The following PI4KA variants were observed in gnomAD, a reference collection of about 807,000 sequenced individuals.
PI4KA encodes phosphatidylinositol 4-kinase alpha.
PI4KA carries 122 observed loss-of-function variants against 271.4 expected under a neutral mutation model. The observed-to-expected ratio is 0.45, with a 90% CI of 0.39 to 0.52. The LOEUF (loss-of-function observed/expected upper bound fraction) is 0.52, where lower values mean the gene tolerates loss of function less well. Among genes scored for constraint, PI4KA ranks in the 20% least tolerant of loss-of-function variants. PI4KA has a pLI of 0.00. For synonymous variants in PI4KA, 1,041 were observed against 1,078.8 expected, an observed-to-expected ratio of 0.96 and a Z score of 0.69; for missense variants, 1,969 against 2,769.1, an observed-to-expected ratio of 0.71 and a Z score of 6.48.
chr22:20,842,091 C>T (rs1276501068), intron 1 of PI4KA, among the ~76,000 whole-genome samples: 5 of 152,056 alleles, frequency 3.3e-5, no homozygotes, highest in Admixed American at 6.6e-5. Flanking sequence ...TGGCAGGCCC[C>T]GTGGCAGGTG....
chr22:20,739,469 G>GAA (rs5844434), intron 32 of PI4KA, among the ~76,000 whole-genome samples: 13 of 130,554 alleles, frequency 1.0e-4, no homozygotes, highest in East Asian at 6.6e-4. Flanking sequence ...CTGTCTTCAG[G>GAA]AAAAAAAAAA....
At chr22:20,805,262 C>A (rs1316475763) in intron 10 of PI4KA, 97 bp from the exon 11 acceptor site, 14 of 861,994 alleles carry the variant, frequency 1.6e-5, no homozygotes, top group Non-Finnish European at 2.5e-5. Flanking sequence ...TTAACAAAAA[C>A]CCCAGAAAAG....
chr22:20,798,069 C>T (rs573620186), intron 17 of PI4KA, among the ~76,000 whole-genome samples: 3 of 152,300 alleles, frequency 2.0e-5, no homozygotes, highest in East Asian at 3.9e-4. Flanking sequence ...ACGTTTAACG[C>T]CTACTTCCTT....
chr22:20,854,831 G>T (rs1363844953), intron 1 of PI4KA, among the ~76,000 whole-genome samples: 1 of 152,092 alleles, frequency 6.6e-6, no homozygotes, highest in Non-Finnish European at 1.5e-5. Context: ...TCTCAGGTGC[G>T]TACTCTAAAA....
intron 23 of PI4KA, among the ~76,000 whole-genome samples, chr22:20,755,549 C>T (rs1278492677): frequency 6.6e-6 from 1 of 152,142 alleles, no homozygotes; most frequent in Non-Finnish European, 1.5e-5. Context: ...GCCTGTAATC[C>T]CAGCATTTTG....
chr22:20,806,999 T>C (rs1398530910), intron 10 of PI4KA, among the ~76,000 whole-genome samples: 2 of 152,096 alleles, frequency 1.3e-5, no homozygotes, highest in South Asian at 2.1e-4. Context: ...CCTCCCAAAG[T>C]GCTGGGATTA....
chr22:20,738,304 G>A (rs1928978516), intron 32 of PI4KA, among the ~76,000 whole-genome samples: 2 of 152,220 alleles, frequency 1.3e-5, no homozygotes, highest in Admixed American at 6.5e-5. Flanking sequence ...ATGGACAGGA[G>A]AGTAATATAC....
At chr22:20,777,726 G>T (rs1324086575) in intron 19 of PI4KA, among the ~76,000 whole-genome samples, 2 of 152,154 alleles carry the variant, frequency 1.3e-5, no homozygotes, top group East Asian at 3.9e-4. Flanking sequence ...AACACCTATG[G>T]TCACTGTCCT....
intron 4 of PI4KA, among the ~76,000 whole-genome samples, chr22:20,821,146 C>G (rs915542463): frequency 6.6e-6 from 1 of 152,180 alleles, no homozygotes; most frequent in African/African-American, 2.4e-5. Flanking sequence ...ATGTATGTGA[C>G]ATTAGCTTTT....
At chr22:20,857,161 T>C (rs184795633) in intron 1 of PI4KA, among the ~76,000 whole-genome samples, 80 of 152,322 alleles carry the variant, frequency 5.3e-4, no homozygotes, top group Admixed American at 1.2e-3. Flanking sequence ...TACCTTGTAT[T>C]TGACAGAAGA....
chr22:20,773,546 C>A (rs981061759), intron 19 of PI4KA, among the ~76,000 whole-genome samples: 15 of 152,180 alleles, frequency 9.9e-5, no homozygotes, highest in Non-Finnish European at 1.9e-4. Context: ...CACCTACTGG[C>A]AACAAACACA....
chr22:20,725,061 G>C (rs532559176), intron 42 of PI4KA, among the ~76,000 whole-genome samples: 2 of 152,340 alleles, frequency 1.3e-5, no homozygotes, highest in African/African-American at 4.8e-5. Context: ...AGCAGAGGCT[G>C]GCTGCTGTTC....
At position 20,707,968 on chromosome 22, in the gene PI4KA, G is replaced by T; in HGVS notation, c.*79C>A. The T allele has an allele frequency of 1.6e-6, 2 of 1,233,858 alleles. No individual in the cohort carries two copies. Among genetic ancestry groups the T allele is most frequent in the Non-Finnish European group, 2.4e-6 (2 of 833,882 alleles). The allele number at this position is 1,233,858 out of a possible 1,614,324, so 76.4% of individuals were successfully genotyped here. On this transcript the variant is annotated 3_prime_UTR_variant, in exon 55 of 55. Coordinates refer to ENST00000255882, the MANE Select transcript of PI4KA (RefSeq NM_058004.4). ...TCTCCTCCACTGCATGTGGCGGCAG[G>T]GCAGGGAGGTCGCAGGGCTCCATGA... is the stretch of plus-strand genomic sequence containing the variant.
intron 1 of PI4KA, among the ~76,000 whole-genome samples, chr22:20,857,415 G>A (rs905148783): frequency 6.6e-6 from 1 of 152,182 alleles, no homozygotes; most frequent in Non-Finnish European, 1.5e-5. Flanking sequence ...TGCCAAAAGT[G>A]CCTAAAACAG....
chr22:20,738,432 G>T (rs1188793111), intron 32 of PI4KA, among the ~76,000 whole-genome samples: 5 of 152,192 alleles, frequency 3.3e-5, no homozygotes, highest in African/African-American at 1.2e-4. Flanking sequence ...CAAGGATCAT[G>T]AATCTTTCCC....
intron 1 of PI4KA, among the ~76,000 whole-genome samples, chr22:20,857,525 T>C (rs1927750789): frequency 6.6e-6 from 1 of 152,182 alleles, no homozygotes; most frequent in Non-Finnish European, 1.5e-5. Context: ...GAAAACATCC[T>C]CTCTCCATGT....
At chr22:20,830,773 T>C (rs1207334325) in intron 3 of PI4KA, among the ~76,000 whole-genome samples, 1 of 152,112 alleles carries the variant, frequency 6.6e-6, no homozygotes, top group Non-Finnish European at 1.5e-5. Flanking sequence ...TTATTGTTGT[T>C]GTTTGTTCTT....
intron 16 of PI4KA, 190 bp downstream of exon 16, chr22:20,798,903 A>T: frequency 3.2e-6 from 2 of 627,564 alleles, no homozygotes; most frequent in East Asian, 5.5e-5. Context: ...TACACTGACA[A>T]GAAATTAAAC....
Position 20,858,554 on chromosome 22 carries a change from A to T in PI4KA, c.156+16T>A. On this transcript the variant is annotated intron_variant, in intron 1 of 54. Coordinates refer to ENST00000255882, the MANE Select transcript of PI4KA (RefSeq NM_058004.4). ...CCCTCCTCCTGTCAGCCCGCGGCCCAGCCCGCCGACGTTACCTTCTCCAAG... is the reference window on the plus strand; with the variant it reads ...CCCTCCTCCTGTCAGCCCGCGGCCCTGCCCGCCGACGTTACCTTCTCCAAG... 4 of 1,365,456 alleles carry T rather than the reference A, an allele frequency of 2.9e-6. No homozygotes were observed. Among genetic ancestry groups the T allele is most frequent in the Non-Finnish European group, 2.9e-6 (3 of 1,052,304 alleles). The allele number at this position is 1,365,456 out of a possible 1,614,324, so 84.6% of individuals were successfully genotyped here.
Sources: allele counts gnomAD v4.1 joint callset (sites outside exome capture counted in the v4.1 genomes callset), GRCh38; gene constraint gnomAD v4.1.1; transcripts MANE v1.5; gene names NCBI Gene and HGNC (gene_info 2026-07-23, HGNC 2026-07-21).